Variants in TTYH1 observed in about 807,000 individuals in gnomAD.
The protein encoded by TTYH1 is tweety family member 1, also known as protein tweety homolog 1.
TTYH1 carries 33 observed loss-of-function variants against 61.2 expected under a neutral mutation model. The observed-to-expected ratio is 0.54, with a 90% CI of 0.41 to 0.72. The LOEUF is 0.72. Ranked by LOEUF, TTYH1 falls within the 30% of genes least tolerant of loss-of-function variation. The pLI, the probability that TTYH1 is intolerant of heterozygous loss-of-function variation, is 0.00. For missense variants in TTYH1, 538 were observed against 575.8 expected, an observed-to-expected ratio of 0.93 and a Z score of 0.67; for synonymous variants, 308 against 266.4, an observed-to-expected ratio of 1.16 and a Z score of -1.52.
Position 54,436,062 on chromosome 19 carries a change from C to T in TTYH1, c.1315-29C>T. The T allele has an allele frequency of 6.2e-7, 1 of 1,611,326 alleles. No individual in the cohort carries two copies. The highest frequency in any genetic ancestry group is 8.5e-7 in the Non-Finnish European group (1 of 1,177,746). ...GCCAATTCCCACTCCATTCCCTCCT[C>T]TCCCCCGCTACCCCGAATCTCCTAG... On this transcript the variant is annotated intron_variant, in intron 12 of 13. Transcript: ENST00000376530. The surrounding 1 kb of genome is among the most constrained non-coding windows in gnomAD (Gnocchi z 4.3).
intron 5 of TTYH1, among the ~76,000 whole-genome samples, chr19:54,427,826 C>G (rs2083359048): frequency 6.6e-6 from 1 of 152,148 alleles, no homozygotes; most frequent in African/African-American, 2.4e-5. Context: ...TTTCACAGCT[C>G]GCTCTACGCG....
chr19:54,424,928 G>C (rs7251091), intron 4 of TTYH1, among the ~76,000 whole-genome samples: 10,692 of 152,012 alleles, frequency 0.07, 589 homozygotes, highest in African/African-American at 0.15. Flanking sequence ...CCAAGATCGT[G>C]GTGGCCACTT....
chr19:54,418,063 G>T (rs1414832466), intron 1 of TTYH1, among the ~76,000 whole-genome samples: 1 of 151,694 alleles, frequency 6.6e-6, no homozygotes, highest in Non-Finnish European at 1.5e-5. Flanking sequence ...GTGGACAAAG[G>T]CAGAAACACC....
At chr19:54,425,174 T>A (rs560320306) in intron 4 of TTYH1, among the ~76,000 whole-genome samples, 1 of 152,216 alleles carries the variant, frequency 6.6e-6, no homozygotes, top group South Asian at 2.1e-4. Context: ...GCAATGGGTG[T>A]CTCCCTGGAT....
intron 4 of TTYH1, among the ~76,000 whole-genome samples, chr19:54,423,230 C>T: frequency 9.4e-6 from 1 of 106,490 alleles, no homozygotes; most frequent in Admixed American, 8.3e-5. Flanking sequence ...TGGAGTCTCA[C>T]TCTGTCGCCC....
chr19:54,415,898 A>ATC lies in TTYH1; in HGVS notation c.126+220_126+221insTC. 1.3e-6 allele frequency: 1 copy of ATC among 759,098 alleles called. No homozygotes were observed. Among genetic ancestry groups the ATC allele is most frequent in the Non-Finnish European group, 2.0e-6 (1 of 494,698 alleles). The allele number at this position is 759,098 out of a possible 1,614,324, so 47.0% of individuals were successfully genotyped here. A position where few individuals can be genotyped will look rare whatever the true frequency, so the allele number is the denominator to read the frequency against. On this transcript the variant is annotated intron_variant, in intron 1 of 13. Coordinates refer to ENST00000376530, the MANE Select transcript of TTYH1 (RefSeq NM_020659.4). The surrounding 1 kb of genome is among the most constrained non-coding windows in gnomAD (Gnocchi z 5.2). Reference sequence around the variant, plus strand: ...GGTCCAGACCTCGAGCTCTCTAAATAAGGGAAGGCTGGGGACCTGCACCCC... The same window carrying ATC: ...GGTCCAGACCTCGAGCTCTCTAAATATCAGGGAAGGCTGGGGACCTGCACCCC...
At chr19:54,435,402 T>G in intron 10 of TTYH1, 140 bp from the exon 11 acceptor site, 3 of 1,074,772 alleles carry the variant, frequency 2.8e-6, no homozygotes, top group Non-Finnish European at 4.0e-6. Flanking sequence ...AACTGCCCTT[T>G]GACAGGGGAA....
intron 4 of TTYH1, among the ~76,000 whole-genome samples, chr19:54,426,225 C>T (rs1304700381): frequency 1.3e-5 from 2 of 152,156 alleles, no homozygotes; most frequent in Admixed American, 6.5e-5. Flanking sequence ...AAGAGTTACC[C>T]GGCCAGTTAA....
At chr19:54,430,524 C>G (rs759571271) in intron 7 of TTYH1, 26 bp from the exon 8 acceptor site, 1 of 1,613,150 alleles carries the variant, frequency 6.2e-7, no homozygotes, top group African/African-American at 1.3e-5. Flanking sequence ...CTCATGGCCT[C>G]CTCCCCTCTC....
rs1287662800 is a variant in TTYH1 at position 54,416,079 on chromosome 19, C to T, written c.126+401C>T. On this transcript the variant is annotated intron_variant, in intron 1 of 13. Coordinates refer to ENST00000376530, the MANE Select transcript of TTYH1 (RefSeq NM_020659.4). This position sits in a 1 kb window ranked among gnomAD's most constrained non-coding sequence, Gnocchi z 7.0. ...AGGATCAGAGCAGGTGAATATGTCCCAGATAAGGTGGGACCCAGGAGACAG... is the reference window on the plus strand; with the variant it reads ...AGGATCAGAGCAGGTGAATATGTCCTAGATAAGGTGGGACCCAGGAGACAG... The T allele has an allele frequency of 7.7e-7, 1 of 1,305,692 alleles. No individual in the cohort carries two copies. Among genetic ancestry groups the T allele is most frequent in the Non-Finnish European group, 1.0e-6 (1 of 989,982 alleles). 80.9% of individuals were successfully genotyped at this position (1,305,692 alleles called of 1,614,324 possible). A position where few individuals can be genotyped will look rare whatever the true frequency, so the allele number is the denominator to read the frequency against.
Position 54,435,877 on chromosome 19 carries a change from C to G in TTYH1, c.1314+4C>G. The G allele has an allele frequency of 6.2e-7, 1 of 1,613,898 alleles. No individual in the cohort carries two copies. The highest frequency in any genetic ancestry group is 8.5e-7 in the Non-Finnish European group (1 of 1,179,940). ...TGACGACCCTTTCAACCCTCAGGTA[C>G]TGGATGCCTGGGTCTGAGGGAGGAG... On this transcript the variant is annotated splice_donor_region_variant and intron_variant, in intron 12 of 13. Transcript: ENST00000376530.
At position 54,436,163 on chromosome 19, in the gene TTYH1, C is replaced by T. The variant is rs1469418884; in HGVS notation, c.*34C>T. On this transcript the variant is annotated 3_prime_UTR_variant, in exon 13 of 14. Transcript: ENST00000376530. The surrounding 1 kb of genome is among the most constrained non-coding windows in gnomAD (Gnocchi z 4.3). The stretch of plus-strand genomic sequence containing the variant: ...TCCCGGCTGGACTGGAGCCTGGCTC[C>T]CCTCTTCGGTGAGCTTCCAAGGGCC... 8 of 1,614,012 alleles carry T rather than the reference C, an allele frequency of 5.0e-6. No homozygotes were observed. The highest frequency in any genetic ancestry group is 5.9e-6 in the Non-Finnish European group (7 of 1,179,902).
chr19:54,423,993 G>A (rs139118454), intron 4 of TTYH1, among the ~76,000 whole-genome samples: 23 of 151,810 alleles, frequency 1.5e-4, no homozygotes, highest in Non-Finnish European at 2.6e-4. Context: ...AAATCCCGTC[G>A]CTACTAAAAA....
rs185160290 is a variant in TTYH1 at position 54,421,668 on chromosome 19, C to A, written c.417+280C>A. Among the ~76,000 whole-genome samples the A allele has an allele frequency of 6.6e-6, 1 of 152,072 alleles. No individual in the cohort carries two copies. Among genetic ancestry groups the A allele is most frequent in the East Asian group, 1.9e-4 (1 of 5,154 alleles). On this transcript the variant is annotated intron_variant, in intron 3 of 13. Transcript: ENST00000376530. This position sits in a 1 kb window ranked among gnomAD's most constrained non-coding sequence, Gnocchi z 4.8. ...CACCAGCGACACCAGCCCCTGTCCA[C>A]GGGCCAGATCCAGGGCCCCAGACCT...
chr19:54,418,376 CCTCT>C (rs1307469450), intron 1 of TTYH1: 1 of 152,494 alleles, frequency 6.6e-6, no homozygotes, highest in Non-Finnish European at 1.5e-5. Flanking sequence ...CTCTGCTCTT[CCTCT>C]CTGATTTGAT....
In TTYH1 at chr19:54,431,069, G is replaced by T. The variant is rs201932775; in HGVS notation, c.1033-30G>T. On this transcript the variant is annotated intron_variant, in intron 9 of 13. Coordinates refer to ENST00000376530, the MANE Select transcript of TTYH1 (RefSeq NM_020659.4). ...GGCGATGGGCGGGCCTGAAGAGTTC[G>T]TGGGAAAACGACCCCTCCTCGCCCC... is the stretch of plus-strand genomic sequence containing the variant. The T allele has an allele frequency of 2.5e-6, 4 of 1,574,876 alleles. No homozygotes were observed. In the African/African-American group the frequency reaches 4.1e-5, roughly 16 times the overall value.
In TTYH1 at chr19:54,419,033, A is replaced by T. The variant is rs185567760; in HGVS notation, c.127-95A>T. On this transcript the variant is annotated intron_variant, in intron 1 of 13. Coordinates refer to ENST00000376530, the MANE Select transcript of TTYH1 (RefSeq NM_020659.4). The surrounding 1 kb of genome is among the most constrained non-coding windows in gnomAD (Gnocchi z 6.1). Reference sequence around the variant, plus strand: ...GGATGTCTCCCACCTTCACTCTGACATCCCAGACCCCGACCCCCCAGCCAC... The same window carrying T: ...GGATGTCTCCCACCTTCACTCTGACTTCCCAGACCCCGACCCCCCAGCCAC... The T allele has an allele frequency of 1.0e-5, 13 of 1,288,234 alleles. No individual in the cohort carries two copies. The Admixed American group carries it at 2.5e-4, about 24-fold the overall frequency. 79.8% of individuals were successfully genotyped at this position (1,288,234 alleles called of 1,614,324 possible).
At chr19:54,422,525 G>A (rs943147303) in intron 4 of TTYH1, 115 bp downstream of exon 4, 6 of 826,456 alleles carry the variant, frequency 7.3e-6, no homozygotes, top group South Asian at 1.8e-5. Context: ...GAGTGTGTGC[G>A]CACTGCTGGC....
At chr19:54,432,683 G>A (rs2083466634) in intron 10 of TTYH1, 1 of 152,138 alleles carries the variant, frequency 6.6e-6, no homozygotes, top group South Asian at 2.1e-4. Context: ...TCCCCCCATG[G>A]ACCCTAGAAT....
Sources: gnomAD v4.1 joint callset for allele counts (sites outside exome capture counted in the v4.1 genomes callset) on GRCh38, gnomAD v4.1.1 for gene constraint, Gnocchi (gnomAD v3.1) non-coding constraint, MANE v1.5 for transcripts, NCBI Gene and HGNC (gene_info 2026-07-23, HGNC 2026-07-21) for gene names.